Variants in PYGM observed in about 807,000 individuals in gnomAD.
PYGM encodes glycogen phosphorylase, muscle associated, also known as glycogen phosphorylase, muscle form.
Under a neutral mutation model 99.3 loss-of-function variants are expected in PYGM, and 81 were observed. The observed-to-expected ratio is 0.82, with a 90% CI of 0.68 to 0.98. PYGM has a LOEUF of 0.98. Among genes scored for constraint, PYGM ranks in the 50% least tolerant of loss-of-function variants. The pLI, the probability that PYGM is intolerant of heterozygous loss-of-function variation, is 0.00. For missense variants in PYGM, 1,030 were observed against 1,158.1 expected, an observed-to-expected ratio of 0.89 and a Z score of 1.61; for synonymous variants, 436 against 451.5, an observed-to-expected ratio of 0.97 and a Z score of 0.44.
intron 1 of PYGM, among the ~76,000 whole-genome samples, chr11:64,759,242 G>T (rs2058416991): frequency 6.6e-6 from 1 of 151,850 alleles, no homozygotes; most frequent in African/African-American, 2.4e-5. Flanking sequence ...ACCGAGGCGT[G>T]TCAGGTTGCT....
Position 64,754,101 on chromosome 11 carries a change from G to C in PYGM, c.1093-76C>G, listed in dbSNP as rs554144327. The C allele has an allele frequency of 5.0e-6, 8 of 1,603,044 alleles. No individual in the cohort carries two copies. In the African/African-American group the frequency reaches 9.4e-5, roughly 19 times the overall value. ...CCTCACACACTACGCATCCCAGTGG[G>C]CCCCCCCACTGCAGTGCCAGGTTCC... On this transcript the variant is annotated intron_variant, in intron 9 of 19. Coordinates refer to ENST00000164139, the MANE Select transcript of PYGM (RefSeq NM_005609.4). The surrounding 1 kb of genome is among the most constrained non-coding windows in gnomAD (Gnocchi z 5.5).
Position 64,754,084 on chromosome 11 carries a change from A to G in PYGM, c.1093-59T>C. The G allele has an allele frequency of 6.2e-7, 1 of 1,601,416 alleles. No individual in the cohort carries two copies. The highest frequency in any genetic ancestry group is 8.5e-7 in the Non-Finnish European group (1 of 1,174,008). ...CTCAGCCCAGTGGGTCTCCTCACACACTACGCATCCCAGTGGGCCCCCCCA... is the reference window on the plus strand; with the variant it reads ...CTCAGCCCAGTGGGTCTCCTCACACGCTACGCATCCCAGTGGGCCCCCCCA... On this transcript the variant is annotated intron_variant, in intron 9 of 19. Transcript: ENST00000164139. The surrounding 1 kb of genome is among the most constrained non-coding windows in gnomAD (Gnocchi z 5.5).
chr11:64,759,686 C>A lies in PYGM; in HGVS notation c.213G>T (p.Thr71=). ...GGTCCTTCTCATAGTAGTGCTGCTG[C>A]GTGCGGATCCAGCGCCCCACGAGGT... ...RDHLVGRWIR[T]QQHYYEKDPK... The change falls in exon 1 of 20, where the codon ACG becomes ACT. Residue 71 remains threonine, a synonymous_variant. Transcript: ENST00000164139. 1 of 1,614,088 alleles carries A rather than the reference C, an allele frequency of 6.2e-7. No homozygotes were observed.
intron 17 of PYGM, chr11:64,748,509 T>G (rs1169042513): frequency 6.6e-6 from 1 of 152,180 alleles, no homozygotes; most frequent in African/African-American, 2.4e-5. Flanking sequence ...CCTTAAGAAC[T>G]CATACTTTTT....
chr11:64,746,766 T>G lies in PYGM; in HGVS notation c.2422A>C (p.Thr808Pro), dbSNP rs2058312509. 1.2e-6 allele frequency: 2 copies of G among 1,614,048 alleles called. No individual in the cohort carries two copies. Among genetic ancestry groups the G allele is most frequent in the Non-Finnish European group, 1.7e-6 (2 of 1,180,014 alleles). The change falls in exon 20 of 20, where the codon ACC becomes CCC. Residue 808 changes from threonine (T) to proline (P), a missense_variant. Thr to Pro is a conservative substitution (Grantham distance 38). Transcript: ENST00000164139. Reference sequence around the variant, plus strand: ...CGGTCACTGGAGAACTTGCCAGAGGTGGCTATGTTCCGGATCACCATCCGC... The same window carrying G: ...CGGTCACTGGAGAACTTGCCAGAGGGGGCTATGTTCCGGATCACCATCCGC... ...WTRMVIRNIA[T>P]SGKFSSDRTI... is the part of the protein sequence containing the mutation.
At chr11:64,758,156 G>T in intron 4 of PYGM, 90 bp downstream of exon 4, 1 of 1,463,384 alleles carries the variant, frequency 6.8e-7, no homozygotes, top group South Asian at 1.1e-5. Context: ...GAGCTTGCGG[G>T]GCTGTTTCGG....
intron 1 of PYGM, among the ~76,000 whole-genome samples, chr11:64,759,156 G>C (rs1046793945): frequency 6.6e-6 from 1 of 152,142 alleles, no homozygotes; most frequent in Non-Finnish European, 1.5e-5. Flanking sequence ...CCAGAAACTA[G>C]GATGCTGCCA....
chr11:64,755,338 T>G lies in PYGM; in HGVS notation c.790A>C (p.Ile264Leu). ...NLKDFNVGGY[I>L]QAVLDRNLAE... ...AGGTTTCGGTCCAACACAGCCTGGA[T>G]GTAGCCACCGACATTGACTGAGGGA... is the stretch of plus-strand genomic sequence containing the variant. Residue 264 changes from isoleucine (I) to leucine (L), a missense_variant, in exon 7 of 20, where the codon ATC becomes CTC. Ile to Leu is a conservative substitution (Grantham distance 5). Coordinates refer to ENST00000164139, the MANE Select transcript of PYGM (RefSeq NM_005609.4). The surrounding 1 kb of genome is among the most constrained non-coding windows in gnomAD (Gnocchi z 4.1). 6.2e-7 allele frequency: 1 copy of G among 1,614,176 alleles called. No homozygotes were observed. The highest frequency in any genetic ancestry group is 1.6e-4 in the Middle Eastern group (1 of 6,062).
At chr11:64,751,519 T>G in intron 15 of PYGM, 53 bp from the exon 16 acceptor site, 2 of 1,614,096 alleles carry the variant, frequency 1.2e-6, no homozygotes, top group Non-Finnish European at 1.7e-6. Flanking sequence ...CCACCCCCTA[T>G]CCTGCAACTC....
Position 64,751,111 on chromosome 11 carries a change from C to T in PYGM, c.1969+214G>A, listed in dbSNP as rs569138464. The T allele has an allele frequency of 3.6e-5, 22 of 611,362 alleles. 1 individual carries two copies. The highest frequency in any genetic ancestry group is 7.4e-5 in the African/African-American group (4 of 54,300). The allele number at this position is 611,362 out of a possible 1,614,324, so 37.9% of individuals were successfully genotyped here. A position where few individuals can be genotyped will look rare whatever the true frequency, so the allele number is the denominator to read the frequency against. On this transcript the variant is annotated intron_variant, in intron 16 of 19. Transcript: ENST00000164139. ...TTCACCATGTTGGCCAGGCTGGTCT[C>T]GAACTCCTGACCTCAGGTGATCCAC...
intron 12 of PYGM, 75 bp from the exon 13 acceptor site, chr11:64,752,579 G>A (rs1403205386): frequency 7.0e-7 from 1 of 1,430,534 alleles, no homozygotes; most frequent in Admixed American, 1.9e-5. Flanking sequence ...GCCATTTCCA[G>A]GTCAGCCAAG....
intron 14 of PYGM, 47 bp downstream of exon 14, chr11:64,751,877 G>A (rs755965745): frequency 1.9e-6 from 3 of 1,611,880 alleles, no homozygotes; most frequent in Non-Finnish European, 2.5e-6. Context: ...TATGCCGCAG[G>A]AACACGGGGG....
rs506354 is a variant in PYGM at position 64,751,032 on chromosome 11, T to C, written c.1969+293A>G. The C allele has an allele frequency of 0.13, 54,195 of 422,200 alleles. 4,859 individuals carry two copies. The highest frequency in any genetic ancestry group is 0.38 in the East Asian group (7,094 of 18,468). 26.2% of individuals were successfully genotyped at this position (422,200 alleles called of 1,614,324 possible). ...TCAGCCTCCCAAGTAGCTGGGATTATAGGCACCTGCCATCACGCCCAGCTA... is the reference window on the plus strand; with the variant it reads ...TCAGCCTCCCAAGTAGCTGGGATTACAGGCACCTGCCATCACGCCCAGCTA... On this transcript the variant is annotated intron_variant, in intron 16 of 19. Transcript: ENST00000164139.
Position 64,754,398 on chromosome 11 carries a change from G to A in PYGM, c.1000-53C>T. ...GCTCCAAACCACATTCCATGCTATG[G>A]TCACTGCCCTATGCCATTTGGAGGC... On this transcript the variant is annotated intron_variant, in intron 8 of 19. Coordinates refer to ENST00000164139, the MANE Select transcript of PYGM (RefSeq NM_005609.4). The surrounding 1 kb of genome is among the most constrained non-coding windows in gnomAD (Gnocchi z 5.5). 1 of 1,452,698 alleles carries A rather than the reference G, an allele frequency of 6.9e-7. No individual in the cohort carries two copies. Among genetic ancestry groups the A allele is most frequent in the Non-Finnish European group, 9.7e-7 (1 of 1,035,558 alleles). 90.0% of individuals were successfully genotyped at this position (1,452,698 alleles called of 1,614,324 possible). A position where few individuals can be genotyped will look rare whatever the true frequency, so the allele number is the denominator to read the frequency against.
In PYGM at chr11:64,746,758, G is replaced by A; in HGVS notation, c.2430C>T (p.Gly810=). The A allele has an allele frequency of 3.7e-6, 6 of 1,614,162 alleles. No homozygotes were observed. Among genetic ancestry groups the A allele is most frequent in the Non-Finnish European group, 5.1e-6 (6 of 1,180,028 alleles). The change falls in exon 20 of 20, where the codon GGC becomes GGT. Residue 810 remains glycine (G), a synonymous_variant. Coordinates refer to ENST00000164139, the MANE Select transcript of PYGM (RefSeq NM_005609.4). ...RMVIRNIATS[G]KFSSDRTIAQ... is the part of the protein sequence containing the mutation. ...CAATGGTGCGGTCACTGGAGAACTT[G>A]CCAGAGGTGGCTATGTTCCGGATCA...
intron 11 of PYGM, among the ~76,000 whole-genome samples, 156 bp downstream of exon 11, chr11:64,753,363 G>A (rs1298925474): frequency 1.3e-5 from 2 of 152,184 alleles, no homozygotes; most frequent in Non-Finnish European, 2.9e-5. Flanking sequence ...GGCGGCACTG[G>A]AAGGGGCTGC....
intron 1 of PYGM, 43 bp downstream of exon 1, chr11:64,759,613 G>A: frequency 1.2e-6 from 2 of 1,608,952 alleles, no homozygotes; most frequent in Non-Finnish European, 8.5e-7. Context: ...CTCCCTGGCA[G>A]CGCCTTCAGC....
Position 64,759,854 on chromosome 11 carries a change from A to G in PYGM, c.45T>C (p.Ser15=), listed in dbSNP as rs2135842875. 1.2e-6 allele frequency: 2 copies of G among 1,614,178 alleles called. No individual in the cohort carries two copies. The highest frequency in any genetic ancestry group is 1.7e-6 in the Non-Finnish European group (2 of 1,180,040). ...LSDQEKRKQI[S]VRGLAGVENV... The stretch of plus-strand genomic sequence containing the variant: ...TCTCCACGCCGGCCAGGCCACGCAC[A>G]CTGATTTGCTTTCTTTTCTCTTGGT... The change falls in exon 1 of 20, where the codon AGT becomes AGC. Residue 15 remains serine, a synonymous_variant. Coordinates refer to ENST00000164139, the MANE Select transcript of PYGM (RefSeq NM_005609.4).
At position 64,754,440 on chromosome 11, in the gene PYGM, A is replaced by C; in HGVS notation, c.1000-95T>G. 9.1e-7 allele frequency: 1 copy of C among 1,104,130 alleles called. No individual in the cohort carries two copies. The highest frequency in any genetic ancestry group is 1.3e-6 in the Non-Finnish European group (1 of 770,998). The allele number at this position is 1,104,130 out of a possible 1,614,324, so 68.4% of individuals were successfully genotyped here. A position where few individuals can be genotyped will look rare whatever the true frequency, so the allele number is the denominator to read the frequency against. ...TTTGGAGGCCCCCAGAGAGCCCAGC[A>C]CGGTTCTGTGACTGGGCTGTGGGCA... On this transcript the variant is annotated intron_variant, in intron 8 of 19. Transcript: ENST00000164139. The surrounding 1 kb of genome is among the most constrained non-coding windows in gnomAD (Gnocchi z 5.5).
Sources: gnomAD v4.1 joint callset for allele counts (sites outside exome capture counted in the v4.1 genomes callset) on GRCh38, gnomAD v4.1.1 for gene constraint, Gnocchi (gnomAD v3.1) non-coding constraint, MANE v1.5 for transcripts, NCBI Gene and HGNC (gene_info 2026-07-23, HGNC 2026-07-21) for gene names.